The following MYOM1 variants were observed in gnomAD, a reference collection of about 807,000 sequenced individuals.
MYOM1 encodes the protein myomesin 1.
MYOM1 carries 164 observed loss-of-function variants against 205.3 expected under a neutral mutation model. That is an observed-to-expected ratio of 0.80 (90% CI 0.70 to 0.91). The LOEUF is 0.91. Ranked by LOEUF, MYOM1 falls within the 40% of genes least tolerant of loss-of-function variation. The pLI is 0.00. For synonymous variants in MYOM1, 772 were observed against 789.4 expected, an observed-to-expected ratio of 0.98 and a Z score of 0.37; for missense variants, 2,011 against 2,127.3, an observed-to-expected ratio of 0.95 and a Z score of 1.08.
chr18:3,114,166 T>A (rs1249392727), intron 21 of MYOM1, among the ~76,000 whole-genome samples: 1 of 152,214 alleles, frequency 6.6e-6, no homozygotes, highest in Non-Finnish European at 1.5e-5. Context: ...AATCGCCAGG[T>A]ACCTGACACA....
chr18:3,198,730 C>T (rs528345567), intron 2 of MYOM1, among the ~76,000 whole-genome samples: 27 of 151,684 alleles, frequency 1.8e-4, no homozygotes, highest in African/African-American at 6.5e-4. Context: ...TTGCAGTGAG[C>T]CAAGATCGCA....
At chr18:3,123,142 C>T (rs903881765) in intron 19 of MYOM1, among the ~76,000 whole-genome samples, 9 of 152,030 alleles carry the variant, frequency 5.9e-5, no homozygotes, top group African/African-American at 2.2e-4. Context: ...CACTTTTATT[C>T]AATATAGTGC....
chr18:3,155,494 G>C (rs988831399), intron 10 of MYOM1, among the ~76,000 whole-genome samples: 2 of 152,196 alleles, frequency 1.3e-5, no homozygotes, highest in South Asian at 2.1e-4. Context: ...AAAGTGCTGG[G>C]ATTACAGGCG....
intron 10 of MYOM1, among the ~76,000 whole-genome samples, chr18:3,155,936 C>T (rs1567939375): frequency 6.6e-6 from 1 of 152,124 alleles, no homozygotes; most frequent in African/African-American, 2.4e-5. Context: ...AAAAGAACTC[C>T]AATGCAATAC....
At chr18:3,188,650 C>A in intron 4 of MYOM1, 98 bp downstream of exon 4, 5 of 1,233,442 alleles carry the variant, frequency 4.1e-6, no homozygotes, top group Admixed American at 6.1e-5. Context: ...AAAAAAGAAA[C>A]AAATCAATCT....
intron 2 of MYOM1, among the ~76,000 whole-genome samples, chr18:3,208,314 G>A (rs1019740283): frequency 2.0e-5 from 3 of 152,168 alleles, no homozygotes; most frequent in Admixed American, 6.5e-5. Flanking sequence ...GGGAGTTTGA[G>A]ACCAGCCTGA....
rs898295658 is a variant in MYOM1, at chr18:3,152,090, A to G, written c.1644-197T>C. Reference sequence around the variant, plus strand: ...GCACTGTGTCTTCTTTACCAAGAGGAAAGAAGCCTCAGGTCCTTCCTGAAC... The same window carrying G: ...GCACTGTGTCTTCTTTACCAAGAGGGAAGAAGCCTCAGGTCCTTCCTGAAC... On this transcript the variant is annotated intron_variant, in intron 11 of 37. Transcript: ENST00000356443. This position sits in a 1 kb window ranked among gnomAD's most constrained non-coding sequence, Gnocchi z 4.3. Among the ~76,000 whole-genome samples, 3 of 152,072 alleles carry G rather than the reference A, an allele frequency of 2.0e-5. No individual in the cohort carries two copies. The highest frequency in any genetic ancestry group is 7.2e-5 in the African/African-American group (3 of 41,392).
chr18:3,189,219 C>T lies in MYOM1; in HGVS notation c.432-132G>A. On this transcript the variant is annotated intron_variant, in intron 3 of 37. Transcript: ENST00000356443. This position sits in a 1 kb window ranked among gnomAD's most constrained non-coding sequence, Gnocchi z 4.8. Reference sequence around the variant, plus strand: ...AAAAGAAAATCCGACATAGAAAAAGCAGGTGAATCAGAAGCTGACACTTCA... The same window carrying T: ...AAAAGAAAATCCGACATAGAAAAAGTAGGTGAATCAGAAGCTGACACTTCA... 2 of 810,730 alleles carry T rather than the reference C, an allele frequency of 2.5e-6. No individual in the cohort carries two copies. Among genetic ancestry groups the T allele is most frequent in the Non-Finnish European group, 1.9e-6 (1 of 529,200 alleles). 50.2% of individuals were successfully genotyped at this position (810,730 alleles called of 1,614,324 possible).
At chr18:3,134,846 A>G (rs898550172) in intron 15 of MYOM1, 22 bp from the exon 16 acceptor site, 2 of 1,613,488 alleles carry the variant, frequency 1.2e-6, no homozygotes, top group Non-Finnish European at 1.7e-6. Context: ...GAAAATGGTG[A>G]TCAAACTCAA....
intron 18 of MYOM1, among the ~76,000 whole-genome samples, chr18:3,127,691 CTCTG>C (rs2079815650): frequency 6.6e-6 from 1 of 152,126 alleles, no homozygotes; most frequent in South Asian, 2.1e-4. Flanking sequence ...AACTACACAA[CTCTG>C]TCTGCACACA....
At chr18:3,155,382 C>T (rs1317019603) in intron 10 of MYOM1, among the ~76,000 whole-genome samples, 2 of 152,276 alleles carry the variant, frequency 1.3e-5, no homozygotes, top group East Asian at 3.9e-4. Context: ...CCACCACGCC[C>T]AGCTAATTTC....
At chr18:3,082,361 C>A (rs1261493448) in intron 33 of MYOM1, among the ~76,000 whole-genome samples, 1 of 152,216 alleles carries the variant, frequency 6.6e-6, no homozygotes, top group East Asian at 1.9e-4. Flanking sequence ...TACCTCTTAG[C>A]TGTGTGACCT....
rs754094135 is a variant in MYOM1 at position 3,086,167 on chromosome 18, T to C, written c.4138-16A>G. 12 of 1,493,242 alleles carry C rather than the reference T, an allele frequency of 8.0e-6. No homozygotes were observed. The highest frequency in any genetic ancestry group is 6.4e-6 in the Non-Finnish European group (7 of 1,089,616). The allele number at this position is 1,493,242 out of a possible 1,614,324, so 92.5% of individuals were successfully genotyped here. A position where few individuals can be genotyped will look rare whatever the true frequency, so the allele number is the denominator to read the frequency against. On this transcript the variant is annotated splice_polypyrimidine_tract_variant and intron_variant, in intron 29 of 37. Coordinates refer to ENST00000356443, the MANE Select transcript of MYOM1 (RefSeq NM_003803.4). ...TATTTGCCACCTAGGAGAAAAACCA[T>C]AATTACTTTTCTTAAAATAAGAAAG...
chr18:3,211,376 C>T (rs1288875054), intron 2 of MYOM1, among the ~76,000 whole-genome samples: 2 of 152,168 alleles, frequency 1.3e-5, no homozygotes, highest in Admixed American at 6.5e-5. Context: ...TTTGTTGAGT[C>T]ACGGAGCTCC....
chr18:3,149,246 C>A, intron 12 of MYOM1, 45 bp from the exon 13 acceptor site: 2 of 1,538,822 alleles, frequency 1.3e-6, no homozygotes, highest in Non-Finnish European at 1.8e-6. Context: ...TACAAGTGTG[C>A]AATTTATCAG....
rs369782689 is a variant in MYOM1 at position 3,134,716 on chromosome 18, A to G, written c.2318T>C (p.Ile773Thr). Reference protein sequence around the residue: ...KDAKELVGYYIEASVAGSGKW... With the variant: ...KDAKELVGYYTEASVAGSGKW... ...GCCAGAGCCAGCAACGCTCGCCTCT[A>G]TGTAGTACCCGACCAGCTCTTTGGC... is the stretch of plus-strand genomic sequence containing the variant. Residue 773 changes from isoleucine (I) to threonine (T), a missense_variant, in exon 16 of 38, where the codon ATA becomes ACA. Transcript: ENST00000356443. 8.1e-6 allele frequency: 13 copies of G among 1,613,896 alleles called. No homozygotes were observed. In the African/African-American group the frequency reaches 1.1e-4, roughly 13 times the overall value.
At chr18:3,094,927 G>A (rs141432885) in intron 25 of MYOM1, among the ~76,000 whole-genome samples, 8 of 152,096 alleles carry the variant, frequency 5.3e-5, no homozygotes, top group African/African-American at 1.7e-4. Flanking sequence ...CCAAGGTGTT[G>A]GGATTACAGG....
chr18:3,244,066 C>T, the MYOM1 span, among the ~76,000 whole-genome samples: 1 of 152,172 alleles, frequency 6.6e-6, no homozygotes, highest in Admixed American at 6.5e-5. Flanking sequence ...GCACTACTGA[C>T]TTTTTGGGCT....
intron 16 of MYOM1, among the ~76,000 whole-genome samples, chr18:3,132,041 GTA>G (rs1438805584): frequency 7.4e-6 from 1 of 135,502 alleles, no homozygotes; most frequent in African/African-American, 2.7e-5. Flanking sequence ...TTATATATAT[GTA>G]TATATAATAA....
Sources: gnomAD v4.1 joint callset for allele counts (sites outside exome capture counted in the v4.1 genomes callset) on GRCh38, gnomAD v4.1.1 for gene constraint, Gnocchi (gnomAD v3.1) non-coding constraint, MANE v1.5 for transcripts, NCBI Gene and HGNC (gene_info 2026-07-23, HGNC 2026-07-21) for gene names.